Variants in CALN1 observed in about 807,000 individuals in gnomAD.
The protein encoded by CALN1 is calneuron 1.
CALN1 carries 17 observed loss-of-function variants against 30.6 expected under a neutral mutation model. The ratio of observed to expected loss-of-function variants is 0.56; its 90% CI spans 0.38 to 0.83. CALN1 has a LOEUF of 0.83. CALN1 is among the 40% of genes least tolerant of loss of function. CALN1 has a pLI of 0.00. For missense variants in CALN1, 291 were observed against 354.9 expected (o/e 0.82, Z 1.45); for synonymous variants, 156 against 131.4 (o/e 1.19, Z -1.28).
At chr7:71,923,718 C>T (rs958299600) in intron 5 of CALN1, among the ~76,000 whole-genome samples, 2 of 152,086 alleles carry the variant, frequency 1.3e-5, no homozygotes, top group Non-Finnish European at 1.5e-5. Context: ...CAGAAAGTGC[C>T]CTCCTAAGGA....
the CALN1 span, among the ~76,000 whole-genome samples, chr7:72,504,098 G>T: frequency 6.6e-6 from 1 of 152,176 alleles, no homozygotes; most frequent in African/African-American, 2.4e-5. Flanking sequence ...CTGTCCCGAA[G>T]TTGGGAGACT....
At chr7:72,192,742 C>T (rs1161446660) in intron 3 of CALN1, among the ~76,000 whole-genome samples, 7 of 150,982 alleles carry the variant, frequency 4.6e-5, no homozygotes, top group South Asian at 4.2e-4. Flanking sequence ...CATGCTGGTG[C>T]GCTGCACCCA....
rs894226080 is a variant in CALN1 at position 72,073,519 on chromosome 7, T to A, written c.388+32632A>T. 7.2e-5 allele frequency among the ~76,000 whole-genome samples: 11 copies of A among 152,146 alleles called. 1 individual carries two copies. In the South Asian group the frequency reaches 1.0e-3, roughly 14 times the overall value. ...GCTTCAAAAACCTACAATTTCAGAC[T>A]ACAAGTGTGGTGATTAAACACCAGC... is the stretch of plus-strand genomic sequence containing the variant. On this transcript the variant is annotated intron_variant, in intron 4 of 6. Transcript: ENST00000395275.
intron 5 of CALN1, among the ~76,000 whole-genome samples, chr7:71,970,436 A>G (rs1415098220): frequency 1.3e-5 from 2 of 152,206 alleles, no homozygotes; most frequent in Non-Finnish European, 1.5e-5. Context: ...ATATTAAGTT[A>G]TATCACAATC....
chr7:72,011,490 C>T (rs1800080247), intron 5 of CALN1, among the ~76,000 whole-genome samples: 2 of 152,296 alleles, frequency 1.3e-5, no homozygotes, highest in South Asian at 4.1e-4. Flanking sequence ...ACCCCTGTTC[C>T]CTCTCCTGAA....
chr7:71,801,976 CAA>C (rs769583866), intron 6 of CALN1, among the ~76,000 whole-genome samples: 1 of 132,296 alleles, frequency 7.6e-6, no homozygotes. Flanking sequence ...AGACTGTGTC[CAA>C]AAAAAAAAAG....
At chr7:72,487,898 GAAAGAAAGAA>G in the CALN1 span, among the ~76,000 whole-genome samples, 6 of 60,168 alleles carry the variant, frequency 1.0e-4, no homozygotes, top group African/African-American at 4.8e-4. Flanking sequence ...AGAAAAGAAA[GAAAGAAAGAA>G]AGAAAGAAAG....
chr7:72,073,363 C>T (rs1310235959), intron 4 of CALN1, among the ~76,000 whole-genome samples: 2 of 152,134 alleles, frequency 1.3e-5, no homozygotes, highest in Non-Finnish European at 2.9e-5. Context: ...CTTATTTCCA[C>T]TGAACTATAT....
chr7:72,235,595 A>G (rs977656704), intron 3 of CALN1, among the ~76,000 whole-genome samples: 16 of 152,190 alleles, frequency 1.1e-4, no homozygotes, highest in African/African-American at 3.9e-4. Flanking sequence ...CGTGTTGATT[A>G]GACTGTAAAG....
intron 2 of CALN1, among the ~76,000 whole-genome samples, chr7:72,356,813 A>C (rs1803259764): frequency 6.6e-6 from 1 of 152,022 alleles, no homozygotes; most frequent in Non-Finnish European, 1.5e-5. Context: ...TAGGAAAATG[A>C]GTATATTATT....
chr7:72,073,420 C>T (rs1804532492), intron 4 of CALN1, among the ~76,000 whole-genome samples: 1 of 152,078 alleles, frequency 6.6e-6, no homozygotes, highest in Non-Finnish European at 1.5e-5. Flanking sequence ...GTTTATTTTA[C>T]ACAATAAACA....
intron 4 of CALN1, among the ~76,000 whole-genome samples, chr7:72,086,850 T>G (rs1158378318): frequency 6.6e-6 from 1 of 152,218 alleles, no homozygotes. Context: ...ATCCATGAAC[T>G]GTAGCAGTTT....
intron 1 of CALN1, among the ~76,000 whole-genome samples, chr7:72,440,907 T>C (rs957882264): frequency 4.6e-5 from 7 of 152,204 alleles, no homozygotes; most frequent in African/African-American, 7.2e-5. Flanking sequence ...ATCTTGCTCC[T>C]CTGTTCTAAA....
At chr7:72,413,144 CACTT>C (rs1268483216), upstream of CALN1, among the ~76,000 whole-genome samples, 1 of 152,078 alleles carries the variant, frequency 6.6e-6, no homozygotes, top group Non-Finnish European at 1.5e-5. Context: ...CACGTATGCT[CACTT>C]ACATGCTTAC....
intron 4 of CALN1, among the ~76,000 whole-genome samples, chr7:72,073,562 G>A (rs1293235297): frequency 2.6e-5 from 4 of 152,058 alleles, no homozygotes; most frequent in Non-Finnish European, 4.4e-5. Flanking sequence ...AAAAGGGGAG[G>A]GGAATAATAA....
At chr7:72,072,709 T>G (rs1384029957) in intron 4 of CALN1, among the ~76,000 whole-genome samples, 1 of 152,174 alleles carries the variant, frequency 6.6e-6, no homozygotes, top group Non-Finnish European at 1.5e-5. Context: ...AATTATCAAT[T>G]TATAGTTTTG....
chr7:72,339,497 A>G (rs1036805291), intron 2 of CALN1, among the ~76,000 whole-genome samples: 1 of 152,208 alleles, frequency 6.6e-6, no homozygotes, highest in Non-Finnish European at 1.5e-5. Context: ...GCTAGCCCTG[A>G]GAAGTAAACC....
At chr7:72,126,968 T>A (rs2040869) in intron 3 of CALN1, among the ~76,000 whole-genome samples, 6 of 151,662 alleles carry the variant, frequency 4.0e-5, no homozygotes, top group Non-Finnish European at 7.4e-5. Context: ...TGTTCCCCAA[T>A]AACTATTGAA....
At chr7:71,862,429 C>G (rs1236719443) in intron 5 of CALN1, among the ~76,000 whole-genome samples, 1 of 152,142 alleles carries the variant, frequency 6.6e-6, no homozygotes, top group Non-Finnish European at 1.5e-5. Flanking sequence ...CTCACGAGAT[C>G]TGATGGTTTT....
Sources: gnomAD v4.1 joint callset for allele counts (sites outside exome capture counted in the v4.1 genomes callset) on GRCh38, gnomAD v4.1.1 for gene constraint, MANE v1.5 for transcripts, NCBI Gene and HGNC (gene_info 2026-07-23, HGNC 2026-07-21) for gene names.